The following CD99 variants were observed in gnomAD, a reference collection of about 807,000 sequenced individuals.
CD99 encodes CD99 antigen.
A neutral mutation model predicts 28.4 loss-of-function variants in CD99; 19 were observed. The ratio of observed to expected loss-of-function variants is 0.67; its 90% CI spans 0.47 to 0.98. CD99 has a LOEUF of 0.98. Among genes scored for constraint, CD99 ranks in the 50% least tolerant of loss-of-function variants. The pLI is 0.00. For missense variants in CD99, 283 were observed against 248.8 expected, an observed-to-expected ratio of 1.14 and a Z score of -0.92; for synonymous variants, 103 against 92.1, an observed-to-expected ratio of 1.12 and a Z score of -0.67.
At chrX:2,728,205 T>TC (rs199502238) in intron 8 of CD99, among the ~76,000 whole-genome samples, 84 of 142,500 alleles carry the variant, frequency 5.9e-4, no homozygotes, top group Admixed American at 2.8e-3. Context: ...TGTTTCTTTT[T>TC]TTTTTTTTTT....
At chrX:2,711,711 G>A (rs1405278591) in intron 1 of CD99, among the ~76,000 whole-genome samples, 3 of 152,066 alleles carry the variant, frequency 2.0e-5, no homozygotes, top group African/African-American at 2.4e-5. Flanking sequence ...AGAAAATAGG[G>A]TATATTCACA....
At chrX:2,696,177 C>T (rs924450844) in intron 1 of CD99, among the ~76,000 whole-genome samples, 2 of 152,120 alleles carry the variant, frequency 1.3e-5, no homozygotes, top group African/African-American at 2.4e-5. Flanking sequence ...GGGGCAGCAA[C>T]AAAATGGCAG....
intron 8 of CD99, among the ~76,000 whole-genome samples, chrX:2,728,659 G>T (rs1292166483): frequency 6.6e-6 from 1 of 152,142 alleles, no homozygotes; most frequent in East Asian, 1.9e-4. Context: ...TAGCGGAGGG[G>T]TTAAAACAGT....
At chrX:2,691,670 T>C in intron 1 of CD99, 1 of 704,304 alleles carries the variant, frequency 1.4e-6, no homozygotes, top group Non-Finnish European at 2.6e-6. Context: ...TTGCAAACTC[T>C]TACATGTGGG....
intron 1 of CD99, among the ~76,000 whole-genome samples, chrX:2,712,203 C>T (rs28539832): frequency 1.1e-3 from 168 of 151,338 alleles, no homozygotes; most frequent in African/African-American, 3.8e-3. Context: ...AGTGGAATGG[C>T]GGTGACCAAG....
chrX:2,714,358 C>T, intron 1 of CD99, 64 bp from the exon 2 acceptor site: 2 of 1,309,008 alleles, frequency 1.5e-6, no homozygotes, highest in South Asian at 1.3e-5. Context: ...TTTTTTATCT[C>T]TATAATATTC....
intron 8 of CD99, among the ~76,000 whole-genome samples, chrX:2,732,298 C>A (rs146262481): frequency 6.6e-6 from 1 of 152,076 alleles, no homozygotes; most frequent in African/African-American, 2.4e-5. Flanking sequence ...CCCACAGAGC[C>A]CAGCTTCCGT....
intron 4 of CD99, 152 bp downstream of exon 4, chrX:2,719,857 T>C (rs1373111451): frequency 2.5e-6 from 2 of 805,506 alleles, no homozygotes; most frequent in South Asian, 1.5e-5. Flanking sequence ...TTGTTCTTGC[T>C]GTTGTCGTTG....
At chrX:2,718,582 G>T (rs2048851349) in intron 3 of CD99, among the ~76,000 whole-genome samples, 1 of 151,672 alleles carries the variant, frequency 6.6e-6, no homozygotes, top group African/African-American at 2.4e-5. Flanking sequence ...TGTTAGCCAG[G>T]ATGGTCTCGA....
intron 2 of CD99, 101 bp downstream of exon 2, chrX:2,714,555 G>A (rs963133730): frequency 1.1e-5 from 11 of 981,610 alleles, no homozygotes; most frequent in African/African-American, 4.7e-5. Flanking sequence ...CTAGACCACC[G>A]CAATAACAGG....
chrX:2,698,867 A>G (rs2047701977), intron 1 of CD99, among the ~76,000 whole-genome samples: 1 of 152,028 alleles, frequency 6.6e-6, no homozygotes, highest in Non-Finnish European at 1.5e-5. Context: ...GGAAGCTTGG[A>G]AACGTCACTC....
chrX:2,734,916 G>T (rs750757759), intron 8 of CD99, among the ~76,000 whole-genome samples: 3 of 151,918 alleles, frequency 2.0e-5, no homozygotes, highest in Middle Eastern at 3.4e-3. Context: ...GAGCACGGAT[G>T]GTTTGATCCT....
intron 1 of CD99, among the ~76,000 whole-genome samples, chrX:2,709,697 A>AGCATAGACACACACATGCATGT (rs2048302910): frequency 2.0e-5 from 3 of 151,930 alleles, no homozygotes; most frequent in Admixed American, 6.6e-5. Flanking sequence ...CACATGCATG[A>AGCATAGACACACACATGCATGT]ACATAGACAC....
At chrX:2,722,997 G>C (rs1214533661) in intron 6 of CD99, among the ~76,000 whole-genome samples, 2 of 152,194 alleles carry the variant, frequency 1.3e-5, no homozygotes, top group South Asian at 2.1e-4. Flanking sequence ...CAAATAACTA[G>C]TGTTGTTTCA....
intron 9 of CD99, among the ~76,000 whole-genome samples, chrX:2,739,002 C>T (rs1482398474): frequency 3.3e-5 from 5 of 151,908 alleles, no homozygotes; most frequent in Non-Finnish European, 7.4e-5. Flanking sequence ...CGTGCACCAC[C>T]GTGTCCGGCT....
intron 1 of CD99, among the ~76,000 whole-genome samples, chrX:2,708,416 G>C (rs957140859): frequency 2.2e-4 from 33 of 152,118 alleles, no homozygotes; most frequent in Non-Finnish European, 3.7e-4. Flanking sequence ...GTGGGACTCT[G>C]TATCTGGGAG....
chrX:2,693,413 G>T (rs1368431538), intron 1 of CD99, among the ~76,000 whole-genome samples: 2 of 152,084 alleles, frequency 1.3e-5, no homozygotes, highest in African/African-American at 4.8e-5. Context: ...AATTGCAGAG[G>T]AGGGCCTGGC....
chrX:2,694,279 G>GTT (rs779912180), intron 1 of CD99, among the ~76,000 whole-genome samples: 85 of 141,072 alleles, frequency 6.0e-4, no homozygotes, highest in African/African-American at 1.8e-3. Flanking sequence ...GGGCTTCGTT[G>GTT]TTTTTTTTTT....
At chrX:2,730,896 C>G (rs1280874252) in intron 8 of CD99, among the ~76,000 whole-genome samples, 1 of 143,094 alleles carries the variant, frequency 7.0e-6, no homozygotes, top group Non-Finnish European at 1.5e-5. Context: ...TGCCACCACA[C>G]TCCAGCCTGG....
Sources: allele counts gnomAD v4.1 joint callset (sites outside exome capture counted in the v4.1 genomes callset), GRCh38; gene constraint gnomAD v4.1.1; transcripts MANE v1.5; gene names NCBI Gene and HGNC (gene_info 2026-07-23, HGNC 2026-07-21).